Variants in PIGK observed in about 807,000 individuals in gnomAD.
PIGK encodes phosphatidylinositol glycan anchor biosynthesis class K, also known as GPI-anchor transamidase.
A neutral mutation model predicts 50.6 loss-of-function variants in PIGK; 42 were observed. That is an observed-to-expected ratio of 0.83 (90% CI 0.65 to 1.07). The LOEUF (loss-of-function observed/expected upper bound fraction) is 1.07. PIGK is among the 50% of genes least tolerant of loss of function. The pLI is 0.00. For synonymous variants in PIGK, 151 were observed against 156.0 expected, an observed-to-expected ratio of 0.97 and a Z score of 0.24; for missense variants, 448 against 488.7, an observed-to-expected ratio of 0.92 and a Z score of 0.78.
chr1:77,112,997 G>C (rs1471219941), intron 10 of PIGK, among the ~76,000 whole-genome samples: 2 of 151,966 alleles, frequency 1.3e-5, no homozygotes, highest in African/African-American at 4.8e-5. Context: ...TTTGGCATAA[G>C]GGACAACAGA....
rs1653257823 is a variant in PIGK at position 77,089,865 on chromosome 1, T to C, written c.*2509A>G. On this transcript the variant is annotated 3_prime_UTR_variant, in exon 11 of 11. Transcript: ENST00000370812. The stretch of plus-strand genomic sequence containing the variant: ...GGCTGCCTTTGCAGGATGGCATCAT[T>C]ATACCCTGTCCCTCCCTGAAATGTC... 1 of 152,548 alleles carries C rather than the reference T, an allele frequency of 6.6e-6. No individual in the cohort carries two copies. The highest frequency in any genetic ancestry group is 1.5e-5 in the Non-Finnish European group (1 of 68,044). The allele number at this position is 152,548 out of a possible 1,614,324, so 9.4% of individuals were successfully genotyped here.
chr1:77,106,479 G>C (rs1323069984), intron 10 of PIGK, among the ~76,000 whole-genome samples: 1 of 152,038 alleles, frequency 6.6e-6, no homozygotes, highest in Non-Finnish European at 1.5e-5. Flanking sequence ...TCTAAAGTTT[G>C]AAAAAGTATT....
intron 8 of PIGK, among the ~76,000 whole-genome samples, chr1:77,160,154 G>A (rs1208406950): frequency 6.6e-6 from 1 of 152,094 alleles, no homozygotes; most frequent in East Asian, 1.9e-4. Context: ...TGTATAAAGT[G>A]TAATTCCCCT....
At chr1:77,189,728 TATATATATATATATATATATACACAC>T (rs1325863221) in intron 3 of PIGK, among the ~76,000 whole-genome samples, 9 of 45,236 alleles carry the variant, frequency 2.0e-4, no homozygotes, top group African/African-American at 7.6e-4. Context: ...TATATATATA[TATATATATATATATATATATACACAC>T]ACACACACAC....
intron 3 of PIGK, chr1:77,195,344 G>A (rs752563306): frequency 2.6e-5 from 33 of 1,280,676 alleles, no homozygotes; most frequent in South Asian, 6.3e-5. Context: ...TTGAGCCAGC[G>A]GGCGGAGGCA....
intron 3 of PIGK, among the ~76,000 whole-genome samples, chr1:77,176,826 C>A (rs1655499749): frequency 6.6e-6 from 1 of 152,096 alleles, no homozygotes; most frequent in African/African-American, 2.4e-5. Context: ...AGAACAGCCA[C>A]CTTGTCCTTC....
chr1:77,195,326 C>A, intron 3 of PIGK: 1 of 1,322,762 alleles, frequency 7.6e-7, no homozygotes. Flanking sequence ...CAGGGCAAGA[C>A]CACCAAGTTG....
intron 3 of PIGK, among the ~76,000 whole-genome samples, chr1:77,177,351 A>T (rs568953273): frequency 1.7e-3 from 262 of 152,332 alleles, no homozygotes; most frequent in African/African-American, 6.1e-3. Context: ...TTGTGGGTTT[A>T]CCAGAATAAG....
chr1:77,172,706 G>A (rs955445739), intron 3 of PIGK, among the ~76,000 whole-genome samples: 7 of 152,086 alleles, frequency 4.6e-5, no homozygotes, highest in Admixed American at 2.0e-4. Flanking sequence ...GGTGGATCAC[G>A]AGGTCAGGAG....
chr1:77,182,875 A>G (rs988933449), intron 3 of PIGK, among the ~76,000 whole-genome samples: 1 of 152,220 alleles, frequency 6.6e-6, no homozygotes, highest in African/African-American at 2.4e-5. Context: ...AACTCTATAC[A>G]TAATACCTTT....
intron 1 of PIGK, among the ~76,000 whole-genome samples, chr1:77,213,036 T>G (rs1656456001): frequency 6.6e-6 from 1 of 152,214 alleles, no homozygotes; most frequent in African/African-American, 2.4e-5. Flanking sequence ...GCGATTCTCC[T>G]GCCTCAGCCT....
At chr1:77,118,208 A>G (rs1159122585) in intron 10 of PIGK, among the ~76,000 whole-genome samples, 1 of 152,118 alleles carries the variant, frequency 6.6e-6, no homozygotes, top group Non-Finnish European at 1.5e-5. Context: ...CATGAGGAAA[A>G]TATTTTTCCA....
chr1:77,121,807 T>C (rs1454671387), intron 10 of PIGK, among the ~76,000 whole-genome samples: 3 of 152,198 alleles, frequency 2.0e-5, no homozygotes, highest in Non-Finnish European at 4.4e-5. Context: ...TAATTGGAAA[T>C]GAACAAATTG....
intron 5 of PIGK, among the ~76,000 whole-genome samples, chr1:77,166,447 G>C (rs1655235406): frequency 6.6e-6 from 1 of 152,126 alleles, no homozygotes; most frequent in African/African-American, 2.4e-5. Flanking sequence ...GAACAAAACT[G>C]AAGGATGCTG....
chr1:77,127,404 T>C (rs1272109391), intron 9 of PIGK, among the ~76,000 whole-genome samples: 5 of 152,184 alleles, frequency 3.3e-5, no homozygotes, highest in Non-Finnish European at 2.9e-5. Flanking sequence ...AATTCACGTA[T>C]AAAATAACAT....
At chr1:77,185,966 G>A (rs573837874) in intron 3 of PIGK, among the ~76,000 whole-genome samples, 21 of 152,242 alleles carry the variant, frequency 1.4e-4, no homozygotes, top group East Asian at 1.4e-3. Flanking sequence ...GTCACCATGC[G>A]ACCTGAACCG....
chr1:77,185,045 CCAATTA>C (rs1231364186), intron 3 of PIGK, among the ~76,000 whole-genome samples: 1 of 152,190 alleles, frequency 6.6e-6, no homozygotes, highest in African/African-American at 2.4e-5. Flanking sequence ...AGTGGCGACT[CCAATTA>C]CAGCTGCTGT....
intron 3 of PIGK, 24 bp downstream of exon 3, chr1:77,206,616 T>C: frequency 7.9e-7 from 1 of 1,262,132 alleles, no homozygotes; most frequent in Non-Finnish European, 1.2e-6. Flanking sequence ...AAGTTCAAGG[T>C]TAAGCTTTAT....
chr1:77,161,031 T>A (rs1483297720), intron 8 of PIGK, among the ~76,000 whole-genome samples: 1 of 152,146 alleles, frequency 6.6e-6, no homozygotes, highest in Non-Finnish European at 1.5e-5. Context: ...CCCTGAAGAA[T>A]ATGTAGAATT....
Sources: gnomAD v4.1 joint callset for allele counts (sites outside exome capture counted in the v4.1 genomes callset) on GRCh38, gnomAD v4.1.1 for gene constraint, MANE v1.5 for transcripts, NCBI Gene and HGNC (gene_info 2026-07-23, HGNC 2026-07-21) for gene names.